PTPRD: variants seen among roughly 807,000 people sequenced by gnomAD.
The protein encoded by PTPRD is protein tyrosine phosphatase receptor type D.
A neutral mutation model predicts 214.5 loss-of-function variants in PTPRD; 34 were observed. The observed-to-expected ratio is 0.16, with a 90% CI of 0.12 to 0.21. The LOEUF is 0.21. Ranked by LOEUF, PTPRD falls within the 10% of genes least tolerant of loss-of-function variation. The pLI, the probability that PTPRD is intolerant of heterozygous loss-of-function variation, is 1.00. For missense variants in PTPRD, 2,545 were observed against 2,398.7 expected (o/e 1.06, Z -1.27); for synonymous variants, 1,128 against 845.7 (o/e 1.33, Z -5.79).
chr9:9,548,918 C>A (rs936146962), intron 8 of PTPRD, among the ~76,000 whole-genome samples: 4 of 152,080 alleles, frequency 2.6e-5, no homozygotes, highest in Admixed American at 6.6e-5. Context: ...CCATTATATT[C>A]AGTTATTTTT....
rs571164206 is a variant in PTPRD at position 9,472,780 on chromosome 9, T to C, written c.-236-75298A>G. On this transcript the variant is annotated intron_variant, in intron 8 of 45. Transcript: ENST00000381196. ...CTTAATCGGCATAAAATCCTAACAA[T>C]TTAAAACTGAAATAAAACATTTCAA... Among the ~76,000 whole-genome samples the C allele has an allele frequency of 3.2e-4, 48 of 152,300 alleles. 1 individual carries two copies. The highest frequency in any genetic ancestry group is 1.1e-3 in the African/African-American group (47 of 41,578).
chr9:10,231,985 A>AGTGTGTGTGT (rs1424117716), intron 3 of PTPRD, among the ~76,000 whole-genome samples: 1,595 of 95,660 alleles, frequency 0.017, 10 homozygotes, highest in East Asian at 0.025. Flanking sequence ...AGAGAGAGAG[A>AGTGTGTGTGT]GAGAGTGTGT....
chr9:8,561,118 T>C (rs2086106517), intron 14 of PTPRD, among the ~76,000 whole-genome samples: 1 of 152,178 alleles, frequency 6.6e-6, no homozygotes, highest in Admixed American at 6.5e-5. Flanking sequence ...TGTTGCACTT[T>C]GTTCTGATTG....
intron 2 of PTPRD, among the ~76,000 whole-genome samples, chr9:10,534,221 A>C (rs1024590282): frequency 5.9e-5 from 9 of 151,956 alleles, no homozygotes; most frequent in Non-Finnish European, 1.2e-4. Flanking sequence ...TTAACATCAG[A>C]GTTCTAAAAA....
chr9:10,341,643 C>A (rs1420062153), intron 2 of PTPRD, among the ~76,000 whole-genome samples: 1 of 151,898 alleles, frequency 6.6e-6, no homozygotes, highest in Non-Finnish European at 1.5e-5. Context: ...AAACATGTGG[C>A]TTTAGAGTTG....
chr9:10,336,220 C>T (rs1397946799), intron 3 of PTPRD, among the ~76,000 whole-genome samples: 1 of 151,580 alleles, frequency 6.6e-6, no homozygotes, highest in Non-Finnish European at 1.5e-5. Context: ...AGACTTAAGT[C>T]TTTTTTTAAA....
At chr9:8,516,648 G>C (rs2097785266) in intron 21 of PTPRD, among the ~76,000 whole-genome samples, 1 of 152,130 alleles carries the variant, frequency 6.6e-6, no homozygotes, top group Non-Finnish European at 1.5e-5. Flanking sequence ...TATGTCTACA[G>C]ATTATACTGT....
intron 3 of PTPRD, among the ~76,000 whole-genome samples, chr9:10,161,716 C>A (rs1363998437): frequency 6.6e-6 from 1 of 151,466 alleles, no homozygotes; most frequent in African/African-American, 2.4e-5. Flanking sequence ...AAGCTAAAAA[C>A]CTTTTGCACA....
chr9:9,381,116 G>A (rs2062094235), intron 9 of PTPRD, among the ~76,000 whole-genome samples: 1 of 151,908 alleles, frequency 6.6e-6, no homozygotes, highest in African/African-American at 2.4e-5. Context: ...ATATAGTTGG[G>A]TCTTATATTT....
At chr9:8,556,491 T>C (rs2083793782) in intron 14 of PTPRD, among the ~76,000 whole-genome samples, 1 of 152,148 alleles carries the variant, frequency 6.6e-6, no homozygotes, top group South Asian at 2.1e-4. Context: ...CAAAATATAC[T>C]GTGCTAAAAG....
chr9:10,486,935 T>C (rs184199537), intron 2 of PTPRD, among the ~76,000 whole-genome samples: 189 of 152,354 alleles, frequency 1.2e-3, no homozygotes, highest in African/African-American at 4.3e-3. Flanking sequence ...TATTGGGGCC[T>C]ACATCTCTAT....
intron 3 of PTPRD, among the ~76,000 whole-genome samples, chr9:10,158,130 C>G (rs2099105122): frequency 6.6e-6 from 1 of 151,824 alleles, no homozygotes; most frequent in African/African-American, 2.4e-5. Context: ...TGTCTCAGAC[C>G]CCCGCTTAAC....
At chr9:9,970,468 A>AAAAAGAAAAAG (rs1566829767) in intron 4 of PTPRD, among the ~76,000 whole-genome samples, 1 of 150,598 alleles carries the variant, frequency 6.6e-6, no homozygotes. Flanking sequence ...AAAAGAAAAA[A>AAAAAGAAAAAG]AAAATTACTT....
At chr9:9,278,877 C>A (rs1946629707) in intron 9 of PTPRD, among the ~76,000 whole-genome samples, 1 of 151,394 alleles carries the variant, frequency 6.6e-6, no homozygotes, top group East Asian at 2.0e-4. Context: ...ACACACACAG[C>A]ATTTTGATTA....
intron 40 of PTPRD, 24 bp from the exon 41 acceptor site, chr9:8,341,292 A>G (rs1259149234): frequency 6.5e-7 from 1 of 1,544,950 alleles, no homozygotes; most frequent in African/African-American, 1.4e-5. Flanking sequence ...AAAAAAAAAA[A>G]GGAAAAACCC....
At chr9:10,344,277 G>A (rs200601831) in intron 2 of PTPRD, among the ~76,000 whole-genome samples, 33 of 151,842 alleles carry the variant, frequency 2.2e-4, no homozygotes, top group Non-Finnish European at 3.4e-4. Context: ...ACCATTTATT[G>A]AATAGAGAAT....
intron 13 of PTPRD, 111 bp from the exon 14 acceptor site, chr9:8,633,569 T>C: frequency 7.9e-7 from 1 of 1,265,196 alleles, no homozygotes; most frequent in South Asian, 1.5e-5. Context: ...AAACTAGGCA[T>C]CATTCTGAAA....
intron 14 of PTPRD, among the ~76,000 whole-genome samples, chr9:8,596,060 A>G (rs1296596765): frequency 6.6e-6 from 1 of 152,192 alleles, no homozygotes; most frequent in East Asian, 1.9e-4. Context: ...CAGAGATTCT[A>G]AACATATTTA....
At chr9:10,586,497 A>G (rs1489237677) in intron 2 of PTPRD, among the ~76,000 whole-genome samples, 1 of 152,098 alleles carries the variant, frequency 6.6e-6, no homozygotes, top group Non-Finnish European at 1.5e-5. Flanking sequence ...AATTGCATGG[A>G]AATTCTCTAT....
Sources: gnomAD v4.1 joint callset for allele counts (sites outside exome capture counted in the v4.1 genomes callset) on GRCh38, gnomAD v4.1.1 for gene constraint, MANE v1.5 for transcripts, NCBI Gene and HGNC (gene_info 2026-07-23, HGNC 2026-07-21) for gene names.